ZNF804B: variants seen among roughly 807,000 people sequenced by gnomAD.
ZNF804B encodes the protein zinc finger protein 804B.
Under a neutral mutation model 101.4 loss-of-function variants are expected in ZNF804B, and 80 were observed. The ratio of observed to expected loss-of-function variants is 0.79; its 90% CI spans 0.66 to 0.95. ZNF804B has a LOEUF of 0.95. Among genes scored for constraint, ZNF804B ranks in the 40% least tolerant of loss-of-function variants. The probability of loss-of-function intolerance (pLI) is 0.00; values close to 1 mark genes in which losing one functional copy is unlikely to be tolerated. For synonymous variants in ZNF804B, 622 were observed against 558.8 expected (o/e 1.11, Z -1.59); for missense variants, 1,673 against 1,561.9 (o/e 1.07, Z -1.20).
intron 1 of ZNF804B, among the ~76,000 whole-genome samples, chr7:88,904,617 T>G (rs1792440842): frequency 6.6e-6 from 1 of 152,200 alleles, no homozygotes; most frequent in Non-Finnish European, 1.5e-5. Context: ...GTGTCATCTC[T>G]GATTTCTTTC....
At chr7:89,219,237 A>T (rs1318920945) in intron 2 of ZNF804B, among the ~76,000 whole-genome samples, 4 of 152,178 alleles carry the variant, frequency 2.6e-5, no homozygotes, top group Non-Finnish European at 2.9e-5. Flanking sequence ...GACAGAATCT[A>T]TTACAGAATC....
chr7:89,282,453 CA>C (rs1459401194), intron 2 of ZNF804B, among the ~76,000 whole-genome samples: 1 of 152,036 alleles, frequency 6.6e-6, no homozygotes, highest in Non-Finnish European at 1.5e-5. Context: ...AAAACAACAA[CA>C]GCAAAAAAAG....
chr7:89,300,178 C>T (rs556425048), intron 2 of ZNF804B, among the ~76,000 whole-genome samples: 2 of 151,812 alleles, frequency 1.3e-5, no homozygotes, highest in South Asian at 2.1e-4. Context: ...TCTTCCTTCT[C>T]ATACCACTGT....
intron 1 of ZNF804B, among the ~76,000 whole-genome samples, chr7:88,821,638 A>C (rs761047537): frequency 1.3e-5 from 2 of 152,172 alleles, no homozygotes; most frequent in Non-Finnish European, 2.9e-5. Flanking sequence ...CTGAAGGAGA[A>C]ATACCAAAGT....
intron 1 of ZNF804B, among the ~76,000 whole-genome samples, chr7:89,007,533 TTATA>T (rs1788386196): frequency 1.7e-5 from 1 of 58,420 alleles, no homozygotes; most frequent in Non-Finnish European, 4.3e-5. Context: ...AATATATCTA[TTATA>T]ATTATATATA....
intron 1 of ZNF804B, among the ~76,000 whole-genome samples, chr7:89,058,225 T>C (rs199984046): frequency 6.6e-6 from 1 of 152,088 alleles, no homozygotes; most frequent in Non-Finnish European, 1.5e-5. Flanking sequence ...TGTTGAAATA[T>C]GGGGATATTT....
intron 1 of ZNF804B, among the ~76,000 whole-genome samples, chr7:89,198,454 G>A (rs1305155164): frequency 1.3e-5 from 2 of 151,796 alleles, no homozygotes; most frequent in Non-Finnish European, 2.9e-5. Context: ...TCTAATGAAA[G>A]CATTATAGAA....
chr7:89,328,701 G>T (rs1790932105), intron 3 of ZNF804B, among the ~76,000 whole-genome samples: 1 of 151,858 alleles, frequency 6.6e-6, no homozygotes, highest in Non-Finnish European at 1.5e-5. Flanking sequence ...GTTAATTCCT[G>T]TGATTAATAA....
chr7:88,968,838 C>A (rs1230676589), intron 1 of ZNF804B, among the ~76,000 whole-genome samples: 1 of 151,558 alleles, frequency 6.6e-6, no homozygotes, highest in Non-Finnish European at 1.5e-5. Flanking sequence ...CATCCTTAAT[C>A]CATATTACAT....
chr7:88,765,209 A>G (rs911298763), intron 1 of ZNF804B, among the ~76,000 whole-genome samples: 2 of 152,108 alleles, frequency 1.3e-5, no homozygotes, highest in African/African-American at 4.8e-5. Flanking sequence ...GGGCTCATAT[A>G]CCTTGATTAG....
intron 1 of ZNF804B, among the ~76,000 whole-genome samples, chr7:88,986,582 G>T (rs1004146535): frequency 2.0e-5 from 3 of 152,098 alleles, no homozygotes; most frequent in Admixed American, 2.0e-4. Flanking sequence ...CTTTCACTTT[G>T]CCTTCTCTTG....
intron 1 of ZNF804B, among the ~76,000 whole-genome samples, chr7:89,188,921 C>T (rs752645212): frequency 1.3e-5 from 2 of 152,130 alleles, no homozygotes; most frequent in African/African-American, 2.4e-5. Context: ...GTAGAAACTG[C>T]AGCAAGTGAT....
intron 1 of ZNF804B, among the ~76,000 whole-genome samples, chr7:88,979,757 A>G (rs915744086): frequency 2.0e-5 from 3 of 151,386 alleles, no homozygotes; most frequent in African/African-American, 7.3e-5. Flanking sequence ...ATGTTTCTCT[A>G]TGTTTGGAAA....
chr7:89,087,171 A>T (rs1789817504), intron 1 of ZNF804B, among the ~76,000 whole-genome samples: 1 of 151,910 alleles, frequency 6.6e-6, no homozygotes. Flanking sequence ...TGGAAGCTTA[A>T]ATGAATTTCA....
intron 2 of ZNF804B, among the ~76,000 whole-genome samples, chr7:89,301,162 T>C (rs1790468098): frequency 7.4e-6 from 1 of 135,920 alleles, no homozygotes; most frequent in African/African-American, 2.7e-5. Flanking sequence ...TAACAATGCA[T>C]CAACAAAAAA....
intron 1 of ZNF804B, among the ~76,000 whole-genome samples, chr7:88,777,744 A>C (rs1790165638): frequency 6.6e-6 from 1 of 150,420 alleles, no homozygotes; most frequent in Admixed American, 6.7e-5. Flanking sequence ...GCTACTCTGG[A>C]GGCTGAGGGA....
intron 1 of ZNF804B, among the ~76,000 whole-genome samples, chr7:88,935,601 A>G (rs995652351): frequency 6.6e-6 from 1 of 151,930 alleles, no homozygotes; most frequent in African/African-American, 2.4e-5. Flanking sequence ...CATTAGGGTC[A>G]GAAAGTCTTT....
intron 2 of ZNF804B, among the ~76,000 whole-genome samples, chr7:89,224,125 C>T (rs557098679): frequency 1.2e-4 from 18 of 152,072 alleles, no homozygotes; most frequent in Non-Finnish European, 2.2e-4. Context: ...CATTCTGACT[C>T]ATCTCAATTT....
chr7:89,117,699 G>A (rs1219164103), intron 1 of ZNF804B, among the ~76,000 whole-genome samples: 1 of 152,032 alleles, frequency 6.6e-6, no homozygotes, highest in Non-Finnish European at 1.5e-5. Context: ...GCTATTTTTG[G>A]CAGTGAGAAA....
Sources: gnomAD v4.1 joint callset for allele counts (sites outside exome capture counted in the v4.1 genomes callset) on GRCh38, gnomAD v4.1.1 for gene constraint, MANE v1.5 for transcripts, NCBI Gene and HGNC (gene_info 2026-07-23, HGNC 2026-07-21) for gene names.